The following GPR141 variants were observed in gnomAD, a reference collection of about 807,000 sequenced individuals.
GPR141 encodes the protein G protein-coupled receptor 141.
Under a neutral mutation model 6.8 loss-of-function variants are expected in GPR141, and 6 were observed. The ratio of observed to expected loss-of-function variants is 0.88; its 90% confidence interval spans 0.48 to 1.74. GPR141 has a LOEUF of 1.74. GPR141 is among the 40% of genes most tolerant of loss of function. The probability of loss-of-function intolerance (pLI) is 0.01; values close to 1 mark genes in which losing one functional copy is unlikely to be tolerated. For synonymous variants in GPR141, 140 were observed against 142.3 expected (o/e 0.98, Z 0.11); for missense variants, 372 against 372.9 (o/e 1.00, Z 0.02).
Position 37,740,677 on chromosome 7 carries a change from T to C in GPR141, c.284T>C (p.Leu95Pro). 1 of 1,614,168 alleles carries C rather than the reference T, an allele frequency of 6.2e-7. No homozygotes were observed. Among genetic ancestry groups the C allele is most frequent in the Non-Finnish European group, 8.5e-7 (1 of 1,180,000 alleles). Residue 95 changes from leucine to proline, a missense_variant, in exon 3 of 3, where the codon CTG becomes CCG. Coordinates refer to ENST00000334425, the MANE Select transcript of GPR141 (RefSeq NM_001381946.1). Reference sequence around the variant, plus strand: ...TTCTGCAAATTTGTGAGTGCCATGCTGCACATCCACATGTACCTCACGTTC... The same window carrying C: ...TTCTGCAAATTTGTGAGTGCCATGCCGCACATCCACATGTACCTCACGTTC... ...LPFCKFVSAM[L>P]HIHMYLTFLF... is the part of the protein sequence containing the mutation.
intron 2 of GPR141, among the ~76,000 whole-genome samples, chr7:37,727,482 C>T (rs1289461967): frequency 1.3e-5 from 2 of 152,190 alleles, no homozygotes; most frequent in Non-Finnish European, 2.9e-5. Context: ...TCTCTTCTCT[C>T]TGAGGACATT....
chr7:37,695,651 T>C (rs956866393), intron 2 of GPR141, among the ~76,000 whole-genome samples: 5 of 152,200 alleles, frequency 3.3e-5, no homozygotes, highest in African/African-American at 1.2e-4. Context: ...TTACTTCTTT[T>C]AGGAACTCCG....
intron 2 of GPR141, among the ~76,000 whole-genome samples, chr7:37,715,623 A>C (rs1443202762): frequency 1.3e-5 from 2 of 152,204 alleles, no homozygotes; most frequent in African/African-American, 2.4e-5. Flanking sequence ...CAAACTGCAT[A>C]GATCTCTAAT....
chr7:37,735,960 G>A (rs1183364291), intron 2 of GPR141, among the ~76,000 whole-genome samples: 1 of 152,072 alleles, frequency 6.6e-6, no homozygotes. Context: ...TAAAAGCACT[G>A]AACAAGAATA....
At chr7:37,696,408 A>C (rs1006082908) in intron 2 of GPR141, among the ~76,000 whole-genome samples, 1 of 152,196 alleles carries the variant, frequency 6.6e-6, no homozygotes, top group Admixed American at 6.5e-5. Context: ...ATCTTGTCTA[A>C]GAATACCCTG....
At chr7:37,689,309 T>C (rs1809653790) in intron 2 of GPR141, among the ~76,000 whole-genome samples, 1 of 152,130 alleles carries the variant, frequency 6.6e-6, no homozygotes, top group South Asian at 2.1e-4. Context: ...TTGTTGAGGA[T>C]TTTTGCATCT....
At chr7:37,692,604 A>C (rs982496078) in intron 2 of GPR141, among the ~76,000 whole-genome samples, 12 of 151,982 alleles carry the variant, frequency 7.9e-5, no homozygotes, top group African/African-American at 2.9e-4. Flanking sequence ...AATAATTTAC[A>C]CTCCTACCAA....
At chr7:37,699,708 G>T (rs1185429509) in intron 2 of GPR141, among the ~76,000 whole-genome samples, 1 of 152,172 alleles carries the variant, frequency 6.6e-6, no homozygotes, top group Non-Finnish European at 1.5e-5. Flanking sequence ...AATGAACTTG[G>T]ATTTTTAAAA....
intron 2 of GPR141, 120 bp downstream of exon 2, chr7:37,685,703 CT>C (rs1809475541): frequency 6.7e-6 from 1 of 148,590 alleles, no homozygotes; most frequent in Admixed American, 6.8e-5. Context: ...CCTGCCTTGG[CT>C]TTTCAGAGTA....
chr7:37,722,656 A>C (rs1479167587), intron 2 of GPR141, among the ~76,000 whole-genome samples: 1 of 147,302 alleles, frequency 6.8e-6, no homozygotes, highest in African/African-American at 2.5e-5. Context: ...CAGGAGGTGG[A>C]GGTTGCAGTG....
chr7:37,719,729 A>G (rs1196490665), intron 2 of GPR141, among the ~76,000 whole-genome samples: 1 of 152,230 alleles, frequency 6.6e-6, no homozygotes, highest in East Asian at 1.9e-4. Context: ...GCTGAGAATT[A>G]GGTGAGAAAC....
At chr7:37,702,600 T>C (rs1193872063) in intron 2 of GPR141, among the ~76,000 whole-genome samples, 1 of 149,954 alleles carries the variant, frequency 6.7e-6, no homozygotes, top group Non-Finnish European at 1.5e-5. Flanking sequence ...CCCCCAGGAG[T>C]GGGGAGGGAT....
chr7:37,723,811 C>A (rs943792944), intron 2 of GPR141, among the ~76,000 whole-genome samples: 1 of 152,216 alleles, frequency 6.6e-6, no homozygotes, highest in African/African-American at 2.4e-5. Flanking sequence ...GCCAGGAACA[C>A]AGTCCCCCAG....
At chr7:37,740,043 G>A (rs577782463) in intron 2 of GPR141, among the ~76,000 whole-genome samples, 1 of 152,186 alleles carries the variant, frequency 6.6e-6, no homozygotes, top group African/African-American at 2.4e-5. Flanking sequence ...TTTTTAAAGG[G>A]TTACTGTAGT....
chr7:37,718,713 C>T (rs1163449349), intron 2 of GPR141, among the ~76,000 whole-genome samples: 1 of 152,130 alleles, frequency 6.6e-6, no homozygotes, highest in African/African-American at 2.4e-5. Context: ...ACAACATTTG[C>T]CCTGAGCATA....
chr7:37,719,782 AT>A (rs1370467989), intron 2 of GPR141, among the ~76,000 whole-genome samples: 4 of 151,844 alleles, frequency 2.6e-5, no homozygotes, highest in East Asian at 1.9e-4. Flanking sequence ...CCAGTCAGGA[AT>A]TTTTTTTTGA....
At chr7:37,696,586 G>A (rs1248382671) in intron 2 of GPR141, among the ~76,000 whole-genome samples, 1 of 151,510 alleles carries the variant, frequency 6.6e-6, no homozygotes, top group Non-Finnish European at 1.5e-5. Context: ...CCACTGATGT[G>A]CACATATGGA....
rs770851503 is a variant in GPR141 at position 37,741,220 on chromosome 7, G to A, written c.827G>A (p.Ser276Asn). Residue 276 changes from serine to asparagine, a missense_variant, in exon 3 of 3, where the codon AGC becomes AAC. Transcript: ENST00000334425. The stretch of plus-strand genomic sequence containing the variant: ...ATCTTCTTGAGTGTAACAGCAATTA[G>A]CTGCTATGATTTGCTTCTCTTTGTC... ...NEIFLSVTAI[S>N]CYDLLLFVFG... is the part of the protein sequence containing the mutation. The A allele has an allele frequency of 1.9e-5, 30 of 1,613,038 alleles. No individual in the cohort carries two copies. The highest frequency in any genetic ancestry group is 5.0e-5 in the Admixed American group (3 of 59,974).
chr7:37,697,506 A>G (rs915856482), intron 2 of GPR141, among the ~76,000 whole-genome samples: 5 of 152,184 alleles, frequency 3.3e-5, no homozygotes, highest in African/African-American at 1.2e-4. Context: ...GTGAATTTTG[A>G]CTTCCAGCTC....
Sources: allele counts gnomAD v4.1 joint callset (sites outside exome capture counted in the v4.1 genomes callset), GRCh38; gene constraint gnomAD v4.1.1; transcripts MANE v1.5; gene names NCBI Gene and HGNC (gene_info 2026-07-23, HGNC 2026-07-21).